UNC79: variants seen among roughly 807,000 people sequenced by gnomAD.
UNC79 encodes unc-79 subunit of NALCN channel complex.
In UNC79, 37 loss-of-function variants were observed where a neutral mutation model predicts 283.1. That is an observed-to-expected ratio of 0.13 (90% CI 0.10 to 0.17). The LOEUF (loss-of-function observed/expected upper bound fraction) is 0.17. UNC79 is among the 10% of genes least tolerant of loss of function. The pLI, the probability that UNC79 is intolerant of heterozygous loss-of-function variation, is 1.00. For missense variants in UNC79, 2,272 were observed against 3,211.1 expected (o/e 0.71, Z 7.07); for synonymous variants, 1,107 against 1,200.2 (o/e 0.92, Z 1.61).
At chr14:93,562,884 C>A (rs1213064144) in intron 14 of UNC79, among the ~76,000 whole-genome samples, 1 of 152,064 alleles carries the variant, frequency 6.6e-6, no homozygotes, top group Non-Finnish European at 1.5e-5. Flanking sequence ...CAGTCCTGGG[C>A]AGGGGCAAAT....
In UNC79 at chr14:93,681,282, G is replaced by A. The variant is rs180747578; in HGVS notation, c.6742-1335G>A. On this transcript the variant is annotated intron_variant, in intron 41 of 48. Coordinates refer to ENST00000555664, the Ensembl canonical transcript of UNC79. ...CCCCCATTCAGTTACATATACTTAC[G>A]TGCTTTCCATGGAGGACGCCCCTCC... Among the ~76,000 whole-genome samples the A allele has an allele frequency of 2.6e-3, 400 of 152,292 alleles. 3 individuals are homozygous for A. The highest frequency in any genetic ancestry group is 9.3e-3 in the African/African-American group (385 of 41,564).
At chr14:93,633,684 G>C (rs1239206863) in intron 31 of UNC79, among the ~76,000 whole-genome samples, 1 of 152,180 alleles carries the variant, frequency 6.6e-6, no homozygotes, top group African/African-American at 2.4e-5. Context: ...CTGGGAATAG[G>C]ACCAGAGGAG....
At chr14:93,382,578 T>G (rs1240913641) in intron 1 of UNC79, among the ~76,000 whole-genome samples, 1 of 152,234 alleles carries the variant, frequency 6.6e-6, no homozygotes, top group African/African-American at 2.4e-5. Flanking sequence ...CATAATTTTT[T>G]TATTCATTTA....
intron 41 of UNC79, among the ~76,000 whole-genome samples, chr14:93,681,488 C>G (rs1270975635): frequency 1.3e-5 from 2 of 152,186 alleles, no homozygotes; most frequent in African/African-American, 4.8e-5. Flanking sequence ...TTCCATGCCT[C>G]CTTATCAGGC....
At chr14:93,403,176 T>A (rs1161286016) in intron 1 of UNC79, among the ~76,000 whole-genome samples, 1 of 152,192 alleles carries the variant, frequency 6.6e-6, no homozygotes, top group Non-Finnish European at 1.5e-5. Context: ...TTAGTCTGGC[T>A]CAGCGAATCT....
At chr14:93,444,287 GT>G (rs1456060657) in intron 1 of UNC79, among the ~76,000 whole-genome samples, 1 of 151,850 alleles carries the variant, frequency 6.6e-6, no homozygotes, top group Non-Finnish European at 1.5e-5. Context: ...ATTTTTATTG[GT>G]TTTTTTGATC....
At chr14:93,367,530 G>T (rs1451045740) in intron 1 of UNC79, among the ~76,000 whole-genome samples, 1 of 152,124 alleles carries the variant, frequency 6.6e-6, no homozygotes, top group Non-Finnish European at 1.5e-5. Context: ...AAATAGGCTG[G>T]ATATTTTCCA....
intron 14 of UNC79, among the ~76,000 whole-genome samples, chr14:93,557,592 A>G (rs1473887776): frequency 6.6e-6 from 1 of 152,178 alleles, no homozygotes; most frequent in Non-Finnish European, 1.5e-5. Context: ...TAGACAGAAA[A>G]TCACAAGCTG....
At chr14:93,436,698 C>T (rs1016496913) in intron 1 of UNC79, among the ~76,000 whole-genome samples, 4 of 152,116 alleles carry the variant, frequency 2.6e-5, no homozygotes, top group South Asian at 2.1e-4. Context: ...CATAAATAAA[C>T]ATATATATTG....
At chr14:93,622,929 A>T in intron 30 of UNC79, 88 bp downstream of exon 32, 2 of 1,491,754 alleles carry the variant, frequency 1.3e-6, no homozygotes, top group South Asian at 2.7e-5. Context: ...TATGCATCAG[A>T]CTCAAACTCT....
chr14:93,621,938 G>T lies in UNC79; in HGVS notation c.4705G>T (p.Gly1569Trp). Residue 1569 changes from glycine to tryptophan, a missense_variant, in exon 30 of 49, where the codon GGG becomes TGG. Around this residue, in one of 11 missense-constraint regions of UNC79, gnomAD observed 580 missense variants for 632.2 expected, o/e 0.92. Coordinates refer to ENST00000555664, the Ensembl canonical transcript of UNC79. This position sits in a 1 kb window ranked among gnomAD's most constrained non-coding sequence, Gnocchi z 4.8. ...AATCCCCGAGAACCCAGCTATGGAAGGGTTTCCAGATGCTCGAAGGCCTGT... is the reference window on the plus strand; with the variant it reads ...AATCCCCGAGAACCCAGCTATGGAATGGTTTCCAGATGCTCGAAGGCCTGT... The T allele has an allele frequency of 6.2e-7, 1 of 1,614,042 alleles. No individual in the cohort carries two copies. Among genetic ancestry groups the T allele is most frequent in the Admixed American group, 1.7e-5 (1 of 60,004 alleles).
At chr14:93,423,285 C>T (rs1037466002) in intron 1 of UNC79, among the ~76,000 whole-genome samples, 1 of 152,006 alleles carries the variant, frequency 6.6e-6, no homozygotes, top group Non-Finnish European at 1.5e-5. Flanking sequence ...GACCATACCA[C>T]CTAAAGCAAT....
At chr14:93,575,317 G>C (rs1013572104) in intron 17 of UNC79, 119 bp downstream of exon 17, 1 of 1,242,066 alleles carries the variant, frequency 8.1e-7, no homozygotes, top group Non-Finnish European at 1.1e-6. Context: ...AGCCCATCTC[G>C]CTGTGTTCAT....
intron 1 of UNC79, among the ~76,000 whole-genome samples, chr14:93,395,818 T>G (rs540360289): frequency 3.4e-4 from 52 of 152,358 alleles, no homozygotes; most frequent in Non-Finnish European, 5.3e-4. Flanking sequence ...TTCTTTTTTT[T>G]GGGCTTTCAA....
chr14:93,518,050 T>C (rs2060153926), intron 7 of UNC79, among the ~76,000 whole-genome samples: 1 of 152,052 alleles, frequency 6.6e-6, no homozygotes, highest in African/African-American at 2.4e-5. Context: ...ATGAGAGATA[T>C]TGTTTTGTTT....
intron 10 of UNC79, 150 bp from the exon 11 acceptor site, chr14:93,532,400 C>T: frequency 1.2e-6 from 1 of 855,752 alleles, no homozygotes; most frequent in Non-Finnish European, 1.7e-6. Flanking sequence ...CCAAGGCGTT[C>T]AAGAGGCTGT....
intron 24 of UNC79, among the ~76,000 whole-genome samples, chr14:93,598,366 G>A (rs1407377163): frequency 1.6e-4 from 1 of 6,436 alleles, no homozygotes. Context: ...ATTGCATAAC[G>A]TGTGTGTGTG....
chr14:93,655,250 A>C (rs773486724), exon 38 of UNC79: 1 of 1,613,966 alleles, frequency 6.2e-7, no homozygotes, highest in African/African-American at 1.3e-5. Flanking sequence ...AATAACAAAA[A>C]GAATTTACCA....
chr14:93,402,454 AAAC>A (rs1336041642), intron 1 of UNC79, among the ~76,000 whole-genome samples: 2 of 151,974 alleles, frequency 1.3e-5, no homozygotes, highest in Non-Finnish European at 2.9e-5. Flanking sequence ...AAAAAATTAT[AAAC>A]AAAAAAGCAG....
Sources: allele counts gnomAD v4.1 joint callset (sites outside exome capture counted in the v4.1 genomes callset), GRCh38; gene constraint gnomAD v4.1.1; regional missense constraint gnomAD v4.1.1; non-coding constraint Gnocchi (gnomAD v3.1); transcripts MANE v1.5; gene names NCBI Gene and HGNC (gene_info 2026-07-23, HGNC 2026-07-21).